Variants in PCDHGA2 observed in about 807,000 individuals in gnomAD.
PCDHGA2 encodes protocadherin gamma-A2.
Under a neutral mutation model 59.2 loss-of-function variants are expected in PCDHGA2, and 40 were observed. That is an observed-to-expected ratio of 0.68 (90% CI 0.52 to 0.88). The LOEUF is 0.88. Among genes scored for constraint, PCDHGA2 ranks in the 40% least tolerant of loss-of-function variants. The pLI, the probability that PCDHGA2 is intolerant of heterozygous loss-of-function variation, is 0.00. For missense variants in PCDHGA2, 1,226 were observed against 1,204.0 expected, an observed-to-expected ratio of 1.02 and a Z score of -0.27; for synonymous variants, 560 against 526.0, an observed-to-expected ratio of 1.06 and a Z score of -0.89.
chr5:141,435,760 T>C (rs1241767830), intron 1 of PCDHGA2, among the ~76,000 whole-genome samples: 1 of 152,172 alleles, frequency 6.6e-6, no homozygotes, highest in Non-Finnish European at 1.5e-5. Context: ...TTGATTTCTT[T>C]TGGTGAATTC....
intron 1 of PCDHGA2, among the ~76,000 whole-genome samples, chr5:141,462,829 G>T (rs770335372): frequency 4.6e-5 from 7 of 152,130 alleles, no homozygotes; most frequent in Non-Finnish European, 8.8e-5. Flanking sequence ...AGCAGACATT[G>T]TAAATGTTAT....
At chr5:141,375,118 A>T in intron 1 of PCDHGA2, 1 of 1,613,984 alleles carries the variant, frequency 6.2e-7, no homozygotes, top group Non-Finnish European at 8.5e-7. Context: ...ATAATGTACC[A>T]GAAGTGGTTG....
chr5:141,432,476 A>G lies in PCDHGA2; in HGVS notation c.2425-62331A>G. 1 of 1,614,080 alleles carries G rather than the reference A, an allele frequency of 6.2e-7. No homozygotes were observed. Among genetic ancestry groups the G allele is most frequent in the East Asian group, 2.2e-5 (1 of 44,874 alleles). ...CCCCGCCCTCCCCACGGACGGTTCCACTGGCGTGGAGCTGGCTCCCCGCTC... is the reference window on the plus strand; with the variant it reads ...CCCCGCCCTCCCCACGGACGGTTCCGCTGGCGTGGAGCTGGCTCCCCGCTC... On this transcript the variant is annotated intron_variant, in intron 1 of 3. Transcript: ENST00000394576. The surrounding 1 kb of genome is among the most constrained non-coding windows in gnomAD (Gnocchi z 6.0).
intron 1 of PCDHGA2, chr5:141,427,958 G>T: frequency 6.3e-7 from 1 of 1,588,408 alleles, no homozygotes; most frequent in Non-Finnish European, 8.6e-7. Flanking sequence ...ACAATGTGCC[G>T]CGGGTGCTGT....
chr5:141,371,658 A>G (rs764550191), intron 1 of PCDHGA2: 3 of 1,614,038 alleles, frequency 1.9e-6, no homozygotes, highest in Non-Finnish European at 1.7e-6. Flanking sequence ...CAATGTGACG[A>G]TCACAGCTAC....
chr5:141,489,794 T>TA lies in PCDHGA2; in HGVS notation c.2425-5009dup. The TA allele has an allele frequency of 1.2e-6, 2 of 1,614,120 alleles. No homozygotes were observed. The highest frequency in any genetic ancestry group is 2.2e-5 in the South Asian group (2 of 91,076). The stretch of plus-strand genomic sequence containing the variant: ...CACTTCTCTCTGAATGTGAAGACCC[T>TA]AAAAGATGGGAAGCCATTCCCAGAG... On this transcript the variant is annotated intron_variant, in intron 1 of 3. Transcript: ENST00000394576. This position sits in a 1 kb window ranked among gnomAD's most constrained non-coding sequence, Gnocchi z 4.5.
chr5:141,423,267 G>A (rs530404769), intron 1 of PCDHGA2: 1 of 1,613,710 alleles, frequency 6.2e-7, no homozygotes, highest in Non-Finnish European at 8.5e-7. Flanking sequence ...GCAGCCTCGA[G>A]TCTCTGGCTA....
intron 1 of PCDHGA2, chr5:141,383,675 C>G: frequency 6.2e-7 from 1 of 1,614,006 alleles, no homozygotes; most frequent in Non-Finnish European, 8.5e-7. Flanking sequence ...CCAGTGGGTA[C>G]AAGACTGCTC....
In PCDHGA2 at chr5:141,476,401, G is replaced by A. The variant is rs772438777; in HGVS notation, c.2425-18406G>A. The A allele has an allele frequency of 1.9e-6, 3 of 1,614,054 alleles. No individual in the cohort carries two copies. Among genetic ancestry groups the A allele is most frequent in the African/African-American group, 2.7e-5 (2 of 74,926 alleles). On this transcript the variant is annotated intron_variant, in intron 1 of 3. Coordinates refer to ENST00000394576, the MANE Select transcript of PCDHGA2 (RefSeq NM_018915.4). This position sits in a 1 kb window ranked among gnomAD's most constrained non-coding sequence, Gnocchi z 7.6. ...TTGTGAACGACCGTCTGGATCGAGA[G>A]GAGCTGTGTGGGACACTGCCCTCTT...
Position 141,485,444 on chromosome 5 carries a change from G to T in PCDHGA2, c.2425-9363G>T. 1 of 1,614,108 alleles carries T rather than the reference G, an allele frequency of 6.2e-7. No homozygotes were observed. The highest frequency in any genetic ancestry group is 8.5e-7 in the Non-Finnish European group (1 of 1,180,020). ...AGCCCTGCTCATCAAGAACCCAATC[G>T]ACCGAGAGGCACTGTGTGGGCTCAG... is the stretch of plus-strand genomic sequence containing the variant. On this transcript the variant is annotated intron_variant, in intron 1 of 3. Coordinates refer to ENST00000394576, the MANE Select transcript of PCDHGA2 (RefSeq NM_018915.4). This position sits in a 1 kb window ranked among gnomAD's most constrained non-coding sequence, Gnocchi z 5.7.
intron 1 of PCDHGA2, chr5:141,377,208 T>A (rs1773778688): frequency 6.6e-6 from 1 of 152,244 alleles, no homozygotes; most frequent in Non-Finnish European, 1.5e-5. Context: ...ATTGAGTACA[T>A]CTCGTTTCTT....
At chr5:141,410,097 T>G (rs745439318) in intron 1 of PCDHGA2, 3 of 1,612,664 alleles carry the variant, frequency 1.9e-6, no homozygotes, top group Non-Finnish European at 2.5e-6. Context: ...GCTCGAGCCT[T>G]AGGCGACAGG....
chr5:141,356,415 GAC>G, intron 1 of PCDHGA2: 1 of 1,602,540 alleles, frequency 6.2e-7, no homozygotes, highest in Non-Finnish European at 8.5e-7. Flanking sequence ...ATCGGTTGTT[GAC>G]ACACAGAACA....
intron 1 of PCDHGA2, chr5:141,393,806 CA>C (rs1489692597): frequency 6.2e-7 from 1 of 1,613,866 alleles, no homozygotes; most frequent in Non-Finnish European, 8.5e-7. Context: ...TGGGGAGGAC[CA>C]AATTGCTCAT....
chr5:141,398,692 AG>A, intron 1 of PCDHGA2: 1 of 1,613,942 alleles, frequency 6.2e-7, no homozygotes, highest in Non-Finnish European at 8.5e-7. Context: ...ACAGGATGGT[AG>A]TAAATACCCG....
intron 1 of PCDHGA2, among the ~76,000 whole-genome samples, chr5:141,450,503 T>G (rs1196541899): frequency 3.3e-5 from 5 of 152,258 alleles, no homozygotes; most frequent in Admixed American, 6.5e-5. Context: ...TTGTTTGTTT[T>G]GAGATGGAGT....
At chr5:141,345,154 G>T (rs761130659) in intron 1 of PCDHGA2, 1 of 1,614,004 alleles carries the variant, frequency 6.2e-7, no homozygotes, top group Admixed American at 1.7e-5. Flanking sequence ...GTGCATGACC[G>T]AGATTCTGGG....
chr5:141,380,133 TA>T (rs926535688), intron 1 of PCDHGA2, among the ~76,000 whole-genome samples: 12 of 151,832 alleles, frequency 7.9e-5, no homozygotes, highest in African/African-American at 2.9e-4. Context: ...CTCCTGACCT[TA>T]AGTGATCCAC....
intron 1 of PCDHGA2, chr5:141,370,622 C>A (rs756641778): frequency 1.9e-6 from 3 of 1,613,902 alleles, no homozygotes; most frequent in Non-Finnish European, 2.5e-6. Flanking sequence ...AATTCTTTAC[C>A]GTGAGCCCCG....
Sources: gnomAD v4.1 joint callset for allele counts (sites outside exome capture counted in the v4.1 genomes callset) on GRCh38, gnomAD v4.1.1 for gene constraint, Gnocchi (gnomAD v3.1) non-coding constraint, MANE v1.5 for transcripts, NCBI Gene and HGNC (gene_info 2026-07-23, HGNC 2026-07-21) for gene names.